The following LRP12 variants were observed in gnomAD, a reference collection of about 807,000 sequenced individuals.
LRP12 encodes the protein LDL receptor related protein 12.
LRP12 carries 14 observed loss-of-function variants against 66.0 expected under a neutral mutation model. The observed-to-expected ratio is 0.21, with a 90% confidence interval of 0.14 to 0.33. The LOEUF is 0.33. Ranked by LOEUF, LRP12 falls within the 10% of genes least tolerant of loss-of-function variation. The probability of loss-of-function intolerance (pLI) is 1.00; values close to 1 mark genes in which losing one functional copy is unlikely to be tolerated. For missense variants in LRP12, 889 were observed against 1,053.4 expected (o/e 0.84, Z 2.16); for synonymous variants, 357 against 359.1 (o/e 0.99, Z 0.07).
In LRP12 at chr8:104,548,379, TA is replaced by T. The variant is rs1167704185; in HGVS notation, c.80-16417del. 2.1e-3 allele frequency among the ~76,000 whole-genome samples: 198 copies of T among 94,024 alleles called. 6 individuals carry two copies. The highest frequency in any genetic ancestry group is 0.011 in the Middle Eastern group (1 of 94). 61.7% of individuals were successfully genotyped at this position (94,024 alleles called of 152,430 possible). A position where few individuals can be genotyped will look rare whatever the true frequency, so the allele number is the denominator to read the frequency against. The stretch of plus-strand genomic sequence containing the variant: ...ATATATATTATATAAATATATTATA[TA>T]AATATATAATATATATTATATAAAT... On this transcript the variant is annotated intron_variant, in intron 1 of 6. Coordinates refer to ENST00000276654, the MANE Select transcript of LRP12 (RefSeq NM_013437.5).
intron 1 of LRP12, among the ~76,000 whole-genome samples, chr8:104,540,574 T>C (rs549554851): frequency 1.3e-5 from 2 of 152,240 alleles, no homozygotes; most frequent in Non-Finnish European, 2.9e-5. Context: ...ATTTAATTAC[T>C]GGTATCCTAA....
intron 1 of LRP12, among the ~76,000 whole-genome samples, chr8:104,570,335 G>A (rs190121057): frequency 1.3e-5 from 2 of 152,204 alleles, no homozygotes; most frequent in East Asian, 3.9e-4. Context: ...TTTTTACAAA[G>A]AATAAAACTG....
intron 2 of LRP12, among the ~76,000 whole-genome samples, chr8:104,518,803 G>A (rs940873234): frequency 2.6e-5 from 4 of 152,024 alleles, no homozygotes; most frequent in African/African-American, 9.7e-5. Flanking sequence ...TGGGTAAGAT[G>A]CTTAGGGCAA....
At chr8:104,548,204 T>TATATTTATATTAATATATG (rs1209917123) in intron 1 of LRP12, among the ~76,000 whole-genome samples, 4 of 96,382 alleles carry the variant, frequency 4.2e-5, no homozygotes, top group African/African-American at 2.1e-4. Context: ...AAATATATGA[T>TATATTTATATTAATATATG]ATATTTATAT....
At chr8:104,511,341 AT>A (rs57946758) in intron 2 of LRP12, among the ~76,000 whole-genome samples, 340 of 142,764 alleles carry the variant, frequency 2.4e-3, no homozygotes, top group Middle Eastern at 3.7e-3. Context: ...CGCGCCCAGC[AT>A]TTTTTTTTTT....
chr8:104,558,828 T>A (rs1811855375), intron 1 of LRP12, among the ~76,000 whole-genome samples: 1 of 150,984 alleles, frequency 6.6e-6, no homozygotes, highest in African/African-American at 2.4e-5. Context: ...AAAGAAGATA[T>A]ACAAATGGCC....
At chr8:104,552,085 A>G (rs1028856216) in intron 1 of LRP12, among the ~76,000 whole-genome samples, 4 of 152,238 alleles carry the variant, frequency 2.6e-5, no homozygotes, top group Non-Finnish European at 5.9e-5. Context: ...GAAAGCCACA[A>G]GTGGAAGATT....
intron 1 of LRP12, among the ~76,000 whole-genome samples, chr8:104,569,700 C>G (rs73295190): frequency 0.012 from 1,840 of 152,170 alleles, 35 homozygotes; most frequent in African/African-American, 0.041. Flanking sequence ...AAAAACCTTA[C>G]AGCTAACATA....
intron 1 of LRP12, among the ~76,000 whole-genome samples, chr8:104,532,429 AAATTTTTCTCACCAACAATTCTAAC>A (rs1811338665): frequency 6.6e-6 from 1 of 151,938 alleles, no homozygotes. Context: ...AAAATCTTTC[AAATTTTTCTCACCAACAATTCTAAC>A]AATCTTAAGT....
chr8:104,558,141 C>G (rs953225599), intron 1 of LRP12, among the ~76,000 whole-genome samples: 3 of 152,004 alleles, frequency 2.0e-5, no homozygotes, highest in African/African-American at 7.3e-5. Context: ...ACCCCAGAGG[C>G]GAAGGCTGCA....
chr8:104,498,008 C>G lies in LRP12; in HGVS notation c.544G>C (p.Ala182Pro), dbSNP rs756181096. ...TCATCCATGTTATTACATTTCCAGG[C>G]TTCTGGTATACACTTTCCATTACCA... ...RCGNGKCIPE[A>P]WKCNNMDECG... The change falls in exon 5 of 7, where the codon GCC becomes CCC. Residue 182 changes from alanine (A) to proline (P), a missense_variant. By Grantham distance (27) the Ala-to-Pro change is conservative (BLOSUM62 -1). This residue lies in a region of LRP12 where 800 missense variants were observed against 964.5 expected (regional missense o/e 0.83). Coordinates refer to ENST00000276654, the MANE Select transcript of LRP12 (RefSeq NM_013437.5). 6.2e-7 allele frequency: 1 copy of G among 1,613,998 alleles called. No individual in the cohort carries two copies. The highest frequency in any genetic ancestry group is 8.5e-7 in the Non-Finnish European group (1 of 1,179,942).
At chr8:104,508,518 A>G (rs1475247154) in intron 3 of LRP12, 1 of 157,056 alleles carries the variant, frequency 6.4e-6, no homozygotes, top group African/African-American at 2.4e-5. Flanking sequence ...ACATATACAG[A>G]CAGGCATGAC....
chr8:104,566,599 T>C (rs73697472), intron 1 of LRP12, among the ~76,000 whole-genome samples: 3,377 of 152,322 alleles, frequency 0.022, 112 homozygotes, highest in African/African-American at 0.075. Flanking sequence ...TGAATCAACT[T>C]GTGATTTGTA....
intron 1 of LRP12, among the ~76,000 whole-genome samples, chr8:104,566,631 C>T (rs1812008434): frequency 1.3e-5 from 2 of 152,114 alleles, no homozygotes; most frequent in African/African-American, 4.8e-5. Context: ...CAAATTATTT[C>T]AAAGATGTTA....
At chr8:104,551,241 A>T (rs7813587) in intron 1 of LRP12, among the ~76,000 whole-genome samples, 10,840 of 152,180 alleles carry the variant, frequency 0.071, 1,095 homozygotes, top group African/African-American at 0.23. Context: ...AGGAAATACA[A>T]TTCTGTCTAC....
At chr8:104,550,767 A>C (rs1044036087) in intron 1 of LRP12, among the ~76,000 whole-genome samples, 1 of 152,204 alleles carries the variant, frequency 6.6e-6, no homozygotes, top group African/African-American at 2.4e-5. Context: ...CAGAACACAG[A>C]ATAGTGCCTG....
At chr8:104,563,510 T>C (rs770885447) in intron 1 of LRP12, among the ~76,000 whole-genome samples, 4 of 152,094 alleles carry the variant, frequency 2.6e-5, no homozygotes, top group Non-Finnish European at 5.9e-5. Flanking sequence ...TCTGTGTAAA[T>C]AAATACATAT....
At chr8:104,544,449 T>C (rs769471955) in intron 1 of LRP12, among the ~76,000 whole-genome samples, 1 of 152,204 alleles carries the variant, frequency 6.6e-6, no homozygotes, top group Non-Finnish European at 1.5e-5. Context: ...AGCCTTCTAT[T>C]GGAAGAAGAT....
chr8:104,574,319 C>CTA (rs1279700410), intron 1 of LRP12, among the ~76,000 whole-genome samples: 1 of 152,128 alleles, frequency 6.6e-6, no homozygotes, highest in Non-Finnish European at 1.5e-5. Context: ...TATATAGCTC[C>CTA]TATACAAAAA....
Sources: gnomAD v4.1 joint callset for allele counts (sites outside exome capture counted in the v4.1 genomes callset) on GRCh38, gnomAD v4.1.1 for gene constraint, gnomAD v4.1.1 regional missense constraint, MANE v1.5 for transcripts, NCBI Gene and HGNC (gene_info 2026-07-23, HGNC 2026-07-21) for gene names.